Variants in NIBAN2 observed in about 807,000 individuals in gnomAD.
The protein encoded by NIBAN2 is protein Niban 2.
A neutral mutation model predicts 81.8 loss-of-function variants in NIBAN2; 36 were observed. That is an observed-to-expected ratio of 0.44 (90% CI 0.34 to 0.58). The LOEUF (loss-of-function observed/expected upper bound fraction) is 0.58. Among genes scored for constraint, NIBAN2 ranks in the 20% least tolerant of loss-of-function variants. The pLI is 0.02. For synonymous variants in NIBAN2, 445 were observed against 441.6 expected, an observed-to-expected ratio of 1.01 and a Z score of -0.10; for missense variants, 897 against 1,014.1, an observed-to-expected ratio of 0.88 and a Z score of 1.57.
chr9:127,578,665 C>T (rs4266744), intron 1 of NIBAN2, among the ~76,000 whole-genome samples: 119,760 of 150,332 alleles, frequency 0.8, 48,014 homozygotes, highest in African/African-American at 0.88. Flanking sequence ...TGAAACTCCG[C>T]CTAAAAAAAA....
At position 127,569,028 on chromosome 9, in the gene NIBAN2, C is replaced by A; in HGVS notation, c.-154G>T. 4 of 1,109,578 alleles carry A rather than the reference C, an allele frequency of 3.6e-6. No individual in the cohort carries two copies. The South Asian group carries it at 1.7e-4, about 48-fold the overall frequency. The allele number at this position is 1,109,578 out of a possible 1,614,324, so 68.7% of individuals were successfully genotyped here. A position where few individuals can be genotyped will look rare whatever the true frequency, so the allele number is the denominator to read the frequency against. Reference sequence around the variant, plus strand: ...CCGCCGCCCGGCTGCGGCTTCCGCTCCGGCTCCGCTCCCGGTCGGGCCCCG... The same window carrying A: ...CCGCCGCCCGGCTGCGGCTTCCGCTACGGCTCCGCTCCCGGTCGGGCCCCG... On this transcript the variant is annotated 5_prime_UTR_variant, in exon 1 of 14. Transcript: ENST00000373312.
In NIBAN2 at chr9:127,508,247, T is replaced by C. The variant is rs566147023; in HGVS notation, c.1435-47A>G. 2.7e-5 allele frequency: 40 copies of C among 1,509,164 alleles called. 1 individual carries two copies. In the Admixed American group the frequency reaches 3.0e-4, roughly 11 times the overall value. The allele number at this position is 1,509,164 out of a possible 1,614,324, so 93.5% of individuals were successfully genotyped here. ...GGGGTCTGCAGGTCAGTGGGCTCCA[T>C]TGGCCCTGAGGGTAGGACGAGGCCA... On this transcript the variant is annotated intron_variant, in intron 11 of 13. Transcript: ENST00000373312. The surrounding 1 kb of genome is among the most constrained non-coding windows in gnomAD (Gnocchi z 6.4).
intron 1 of NIBAN2, among the ~76,000 whole-genome samples, chr9:127,532,929 A>G (rs2132191359): frequency 6.6e-6 from 1 of 152,196 alleles, no homozygotes; most frequent in South Asian, 2.1e-4. Context: ...AGGACAAGGT[A>G]GACAGATCAC....
At chr9:127,538,093 T>C (rs1837311083) in intron 1 of NIBAN2, among the ~76,000 whole-genome samples, 1 of 152,128 alleles carries the variant, frequency 6.6e-6, no homozygotes, top group Non-Finnish European at 1.5e-5. Flanking sequence ...AACACACACT[T>C]GTGGGTTTGT....
At chr9:127,567,562 T>C (rs573200704) in intron 1 of NIBAN2, among the ~76,000 whole-genome samples, 1 of 152,324 alleles carries the variant, frequency 6.6e-6, no homozygotes, top group African/African-American at 2.4e-5. Flanking sequence ...ACCTCCCTGG[T>C]GCCCAGCATG....
At chr9:127,530,536 C>G (rs4837160) in intron 2 of NIBAN2, among the ~76,000 whole-genome samples, 17,475 of 152,182 alleles carry the variant, frequency 0.11, 1,437 homozygotes, top group Admixed American at 0.27. Context: ...TTGCCAGCCC[C>G]CTCTGGCCCA....
At chr9:127,543,236 A>C (rs956077381) in intron 1 of NIBAN2, among the ~76,000 whole-genome samples, 3 of 152,180 alleles carry the variant, frequency 2.0e-5, no homozygotes, top group Admixed American at 6.5e-5. Flanking sequence ...ACAGTTAGGG[A>C]GCCCTCCTAC....
At chr9:127,568,725 C>T in intron 1 of NIBAN2, 95 bp downstream of exon 1, 1 of 1,102,680 alleles carries the variant, frequency 9.1e-7, no homozygotes, top group South Asian at 4.2e-5. Context: ...CTCCCCCGAG[C>T]CCCCGGCCCC....
intron 8 of NIBAN2, among the ~76,000 whole-genome samples, chr9:127,510,717 G>C (rs988045068): frequency 6.6e-6 from 1 of 152,066 alleles, no homozygotes; most frequent in African/African-American, 2.4e-5. Context: ...TTACAGGCAT[G>C]AGCCACCATG....
upstream of NIBAN2, among the ~76,000 whole-genome samples, chr9:127,570,783 A>C (rs1745284853): frequency 6.6e-6 from 1 of 152,244 alleles, no homozygotes; most frequent in African/African-American, 2.4e-5. Flanking sequence ...GCCGGGATGC[A>C]TTCATGCGTC....
At chr9:127,522,953 C>T (rs1836971795) in intron 5 of NIBAN2, among the ~76,000 whole-genome samples, 1 of 151,660 alleles carries the variant, frequency 6.6e-6, no homozygotes, top group South Asian at 2.1e-4. Context: ...TCTGTCTCCC[C>T]TACCAGACTG....
At chr9:127,518,232 T>C (rs1450678772) in intron 5 of NIBAN2, among the ~76,000 whole-genome samples, 1 of 152,140 alleles carries the variant, frequency 6.6e-6, no homozygotes, top group Non-Finnish European at 1.5e-5. Flanking sequence ...ACCTTATTGC[T>C]TTACAGATGA....
At chr9:127,562,458 C>T (rs1837790333) in intron 1 of NIBAN2, among the ~76,000 whole-genome samples, 1 of 152,186 alleles carries the variant, frequency 6.6e-6, no homozygotes, top group East Asian at 1.9e-4. Flanking sequence ...GATTACTGCC[C>T]CTCCCTGCTC....
intron 1 of NIBAN2, among the ~76,000 whole-genome samples, chr9:127,557,801 G>A (rs534107335): frequency 2.6e-4 from 40 of 152,334 alleles, no homozygotes; most frequent in African/African-American, 8.4e-4. Flanking sequence ...AGTTGGCCTC[G>A]GGTCAGGGTG....
chr9:127,575,205 C>T (rs896356308), intron 1 of NIBAN2, among the ~76,000 whole-genome samples: 9 of 151,382 alleles, frequency 5.9e-5, no homozygotes, highest in Non-Finnish European at 8.8e-5. Context: ...CTCCATCCCA[C>T]CTCACAGCTT....
chr9:127,573,526 G>C (rs1032325465), upstream of NIBAN2, among the ~76,000 whole-genome samples: 1 of 150,768 alleles, frequency 6.6e-6, no homozygotes, highest in Non-Finnish European at 1.5e-5. Flanking sequence ...TGACATCAGA[G>C]AATTTCTCAA....
At chr9:127,529,554 C>T (rs762056509) in intron 2 of NIBAN2, among the ~76,000 whole-genome samples, 11 of 152,252 alleles carry the variant, frequency 7.2e-5, no homozygotes, top group Middle Eastern at 3.4e-3. Flanking sequence ...GTATGAGAAT[C>T]GCTTGAACCA....
intron 4 of NIBAN2, 165 bp downstream of exon 4, chr9:127,524,893 G>A: frequency 1.7e-6 from 1 of 595,898 alleles, no homozygotes; most frequent in East Asian, 2.8e-5. Flanking sequence ...CAAGGACTTA[G>A]GGAGATGCGA....
chr9:127,575,615 C>T (rs1838000029), intron 1 of NIBAN2, among the ~76,000 whole-genome samples: 1 of 150,924 alleles, frequency 6.6e-6, no homozygotes, highest in African/African-American at 2.4e-5. Context: ...CTGCAACCTC[C>T]ACCTCCCAGG....
Sources: gnomAD v4.1 joint callset for allele counts (sites outside exome capture counted in the v4.1 genomes callset) on GRCh38, gnomAD v4.1.1 for gene constraint, Gnocchi (gnomAD v3.1) non-coding constraint, MANE v1.5 for transcripts, NCBI Gene and HGNC (gene_info 2026-07-23, HGNC 2026-07-21) for gene names.